Variants in LUZP2 observed in about 807,000 individuals in gnomAD.
The protein encoded by LUZP2 is leucine zipper protein 2.
A neutral mutation model predicts 51.6 loss-of-function variants in LUZP2; 52 were observed. That is an observed-to-expected ratio of 1.01 (90% CI 0.81 to 1.27). The LOEUF (loss-of-function observed/expected upper bound fraction) is 1.27. Among genes scored for constraint, LUZP2 ranks in the 50% most tolerant of loss-of-function variants. LUZP2 has a pLI of 0.00. For synonymous variants in LUZP2, 154 were observed against 137.3 expected, an observed-to-expected ratio of 1.12 and a Z score of -0.85; for missense variants, 436 against 395.4, an observed-to-expected ratio of 1.10 and a Z score of -0.87.
rs533266602 is a variant in LUZP2, at chr11:25,044,869, C to T, written c.766-5169C>T. On this transcript the variant is annotated intron_variant, in intron 9 of 11. Transcript: ENST00000336930. ...TGTGGCACATATACACCACGGAATA[C>T]TATGCAGCCATGAAAAATGATAAGA... is the stretch of plus-strand genomic sequence containing the variant. Among the ~76,000 whole-genome samples the T allele has an allele frequency of 3.3e-3, 497 of 152,084 alleles. 3 individuals carry two copies. The highest frequency in any genetic ancestry group is 0.011 in the African/African-American group (473 of 41,478).
At chr11:24,850,706 T>G (rs1851365103) in intron 5 of LUZP2, among the ~76,000 whole-genome samples, 1 of 152,192 alleles carries the variant, frequency 6.6e-6, no homozygotes. Context: ...TAAATTACTT[T>G]GGGCCATATG....
chr11:24,556,656 A>G (rs1425000746), intron 1 of LUZP2, among the ~76,000 whole-genome samples: 1 of 152,178 alleles, frequency 6.6e-6, no homozygotes, highest in Non-Finnish European at 1.5e-5. Flanking sequence ...TGAGTAGACT[A>G]CAGCTCATTT....
At chr11:24,992,818 T>A (rs917773034) in intron 9 of LUZP2, among the ~76,000 whole-genome samples, 1 of 152,150 alleles carries the variant, frequency 6.6e-6, no homozygotes, top group Non-Finnish European at 1.5e-5. Flanking sequence ...TGTATATCTG[T>A]GTTATTACAT....
At chr11:24,898,681 A>G (rs981330600) in intron 5 of LUZP2, among the ~76,000 whole-genome samples, 1 of 152,048 alleles carries the variant, frequency 6.6e-6, no homozygotes, top group African/African-American at 2.4e-5. Context: ...TGGTGCGCAT[A>G]TACATATAAA....
intron 4 of LUZP2, among the ~76,000 whole-genome samples, chr11:24,739,540 C>T (rs1207434419): frequency 6.6e-6 from 1 of 152,036 alleles, no homozygotes. Context: ...GCTGATCCAG[C>T]ACATCCATGA....
At chr11:24,779,909 G>A (rs1849038308) in intron 5 of LUZP2, among the ~76,000 whole-genome samples, 1 of 152,028 alleles carries the variant, frequency 6.6e-6, no homozygotes, top group Non-Finnish European at 1.5e-5. Flanking sequence ...TAATGGGAGG[G>A]ATGTGAATGT....
chr11:24,723,975 T>C (rs2133956296), intron 1 of LUZP2, among the ~76,000 whole-genome samples: 1 of 152,328 alleles, frequency 6.6e-6, no homozygotes, highest in South Asian at 2.1e-4. Context: ...TGTATTAATT[T>C]CAAACATAAG....
intron 9 of LUZP2, among the ~76,000 whole-genome samples, chr11:25,040,343 A>ATTGTTTTTTTTT (rs1858011819): frequency 1.0e-5 from 1 of 98,828 alleles, no homozygotes; most frequent in South Asian, 3.2e-4. Context: ...TTTCTTTCCG[A>ATTGTTTTTTTTT]TTTTTTTTTT....
chr11:24,500,617 T>C (rs886775570), intron 1 of LUZP2, among the ~76,000 whole-genome samples: 7 of 152,208 alleles, frequency 4.6e-5, no homozygotes, highest in African/African-American at 7.2e-5. Flanking sequence ...TGCTTTATTC[T>C]GCTGAACCTC....
chr11:24,572,464 A>G (rs1474119023), intron 1 of LUZP2, among the ~76,000 whole-genome samples: 1 of 152,002 alleles, frequency 6.6e-6, no homozygotes, highest in Non-Finnish European at 1.5e-5. Context: ...CTAATTATGG[A>G]GTTCATTATT....
intron 9 of LUZP2, among the ~76,000 whole-genome samples, chr11:24,989,598 C>T (rs1442281321): frequency 6.6e-6 from 1 of 152,022 alleles, no homozygotes; most frequent in African/African-American, 2.4e-5. Flanking sequence ...CAAATATGGA[C>T]TCTGTGAAAG....
chr11:24,588,059 T>A (rs1853135310), intron 1 of LUZP2, among the ~76,000 whole-genome samples: 1 of 152,154 alleles, frequency 6.6e-6, no homozygotes, highest in Non-Finnish European at 1.5e-5. Context: ...CTTTTTATTT[T>A]ATTTTTTAGC....
chr11:25,075,848 A>G (rs929948064), intron 10 of LUZP2, among the ~76,000 whole-genome samples: 4 of 152,192 alleles, frequency 2.6e-5, no homozygotes, highest in Admixed American at 6.5e-5. Flanking sequence ...AGTAGATTTA[A>G]TCTACTATAA....
intron 1 of LUZP2, among the ~76,000 whole-genome samples, chr11:24,667,384 A>G (rs1385125443): frequency 6.6e-6 from 1 of 151,914 alleles, no homozygotes; most frequent in Admixed American, 6.6e-5. Context: ...ACAGAGTTTC[A>G]CCATGTTGGT....
At chr11:24,821,978 T>C (rs1276122387) in intron 5 of LUZP2, among the ~76,000 whole-genome samples, 1 of 150,926 alleles carries the variant, frequency 6.6e-6, no homozygotes, top group African/African-American at 2.4e-5. Context: ...GGTATAATGG[T>C]GATTTCGTTG....
intron 1 of LUZP2, among the ~76,000 whole-genome samples, chr11:24,574,259 T>TCTTG (rs1384471522): frequency 1.5e-5 from 1 of 67,114 alleles, no homozygotes; most frequent in African/African-American, 5.0e-5. Context: ...TTTCTTTCTT[T>TCTTG]CTTGCTTTCT....
chr11:24,692,010 G>A (rs1857084221), intron 1 of LUZP2, among the ~76,000 whole-genome samples: 1 of 151,520 alleles, frequency 6.6e-6, no homozygotes, highest in South Asian at 2.1e-4. Flanking sequence ...AATATTATAT[G>A]TTTTCTAAAC....
chr11:24,773,001 G>C (rs1457246033), intron 5 of LUZP2, among the ~76,000 whole-genome samples: 2 of 151,556 alleles, frequency 1.3e-5, no homozygotes, highest in African/African-American at 2.4e-5. Flanking sequence ...TGAAGTTCTA[G>C]GTAGACATGA....
At chr11:25,040,688 C>T (rs1320374704) in intron 9 of LUZP2, among the ~76,000 whole-genome samples, 1 of 152,086 alleles carries the variant, frequency 6.6e-6, no homozygotes, top group African/African-American at 2.4e-5. Context: ...TTTTAAGCAT[C>T]TTCTTTTTGT....
Sources: allele counts gnomAD v4.1 joint callset (sites outside exome capture counted in the v4.1 genomes callset), GRCh38; gene constraint gnomAD v4.1.1; transcripts MANE v1.5; gene names NCBI Gene and HGNC (gene_info 2026-07-23, HGNC 2026-07-21).